The following SGCZ variants were observed in gnomAD, a reference collection of about 807,000 sequenced individuals.
SGCZ encodes the protein zeta-sarcoglycan.
In SGCZ, 40 loss-of-function variants were observed where a neutral mutation model predicts 41.3. The ratio of observed to expected loss-of-function variants is 0.97; its 90% CI spans 0.75 to 1.26. SGCZ has a LOEUF of 1.26. Among genes scored for constraint, SGCZ ranks in the 50% most tolerant of loss-of-function variants. The probability of loss-of-function intolerance (pLI) is 0.00; values close to 1 mark genes in which losing one functional copy is unlikely to be tolerated. For missense variants in SGCZ, 552 were observed against 369.8 expected (o/e 1.49, Z -4.04); for synonymous variants, 206 against 137.5 (o/e 1.50, Z -3.49).
intron 3 of SGCZ, among the ~76,000 whole-genome samples, chr8:14,259,948 G>T (rs191466291): frequency 1.3e-5 from 2 of 152,178 alleles, no homozygotes; most frequent in Non-Finnish European, 2.9e-5. Flanking sequence ...CATGAGCATG[G>T]AATGTTAATT....
At chr8:14,756,477 G>A (rs1053561595) in intron 1 of SGCZ, among the ~76,000 whole-genome samples, 6 of 152,060 alleles carry the variant, frequency 3.9e-5, no homozygotes, top group East Asian at 1.9e-4. Flanking sequence ...GAGCCACCAC[G>A]CCCAGCGGGA....
At chr8:14,114,476 C>G (rs770877306) in intron 5 of SGCZ, among the ~76,000 whole-genome samples, 12 of 151,864 alleles carry the variant, frequency 7.9e-5, no homozygotes, top group South Asian at 2.1e-4. Flanking sequence ...GAAAAATAAG[C>G]TGCCAGGATT....
chr8:15,031,588 G>T (rs1235352948), intron 1 of SGCZ, among the ~76,000 whole-genome samples: 3 of 152,138 alleles, frequency 2.0e-5, no homozygotes, highest in Non-Finnish European at 4.4e-5. Flanking sequence ...GAAAGTCAAG[G>T]AATATGTGCA....
chr8:14,480,454 C>T (rs1801504365), intron 2 of SGCZ, among the ~76,000 whole-genome samples: 2 of 152,126 alleles, frequency 1.3e-5, no homozygotes, highest in South Asian at 4.1e-4. Flanking sequence ...CTAAATTTCT[C>T]TATTATTTCA....
intron 1 of SGCZ, among the ~76,000 whole-genome samples, chr8:15,004,718 G>C (rs186170112): frequency 1.1e-4 from 16 of 152,188 alleles, no homozygotes; most frequent in African/African-American, 3.9e-4. Flanking sequence ...AAAAGACTGA[G>C]GATTCCCACC....
chr8:14,179,479 T>G (rs1484615762), intron 4 of SGCZ, among the ~76,000 whole-genome samples: 2 of 152,214 alleles, frequency 1.3e-5, no homozygotes, highest in African/African-American at 2.4e-5. Flanking sequence ...ACATCCCCAC[T>G]GTCTGTCACA....
chr8:14,642,488 A>G (rs1363892767), intron 1 of SGCZ, among the ~76,000 whole-genome samples: 2 of 151,408 alleles, frequency 1.3e-5, no homozygotes, highest in Non-Finnish European at 3.0e-5. Context: ...ACTATATGTA[A>G]GTTACAATAT....
intron 1 of SGCZ, among the ~76,000 whole-genome samples, chr8:15,065,983 CTT>C (rs1805125174): frequency 6.6e-6 from 1 of 152,136 alleles, no homozygotes; most frequent in Non-Finnish European, 1.5e-5. Flanking sequence ...CTGTTAGTGA[CTT>C]TATTCTAGTA....
chr8:14,726,783 A>C (rs1413327949), intron 1 of SGCZ, among the ~76,000 whole-genome samples: 1 of 152,166 alleles, frequency 6.6e-6, no homozygotes, highest in Non-Finnish European at 1.5e-5. Context: ...TCAGATATAA[A>C]CAATAAAAAG....
chr8:14,168,652 T>G (rs1437787209), intron 4 of SGCZ, among the ~76,000 whole-genome samples: 1 of 152,178 alleles, frequency 6.6e-6, no homozygotes, highest in Non-Finnish European at 1.5e-5. Context: ...CCGCTTTTTC[T>G]TTATAAATTA....
intron 3 of SGCZ, among the ~76,000 whole-genome samples, chr8:14,298,747 A>C (rs1004367981): frequency 6.6e-6 from 1 of 152,092 alleles, no homozygotes; most frequent in Non-Finnish European, 1.5e-5. Flanking sequence ...TATCATTACA[A>C]ATGTTAATGT....
intron 2 of SGCZ, among the ~76,000 whole-genome samples, chr8:14,405,371 A>T (rs1353421837): frequency 6.6e-6 from 1 of 151,484 alleles, no homozygotes; most frequent in Admixed American, 6.6e-5. Context: ...TCTCACACAC[A>T]TTCCATTAAG....
chr8:14,681,662 A>G (rs1041617308), intron 1 of SGCZ, among the ~76,000 whole-genome samples: 8 of 152,310 alleles, frequency 5.3e-5, no homozygotes, highest in Non-Finnish European at 1.2e-4. Context: ...AAAATTCAGC[A>G]GTGATCAGAT....
chr8:14,843,696 T>C (rs1328485223), intron 1 of SGCZ, among the ~76,000 whole-genome samples: 2 of 151,328 alleles, frequency 1.3e-5, no homozygotes, highest in African/African-American at 2.4e-5. Flanking sequence ...TCTAAAAAAA[T>C]TGCAAATTAA....
At chr8:14,539,861 T>C (rs1049992516) in intron 2 of SGCZ, among the ~76,000 whole-genome samples, 1 of 151,976 alleles carries the variant, frequency 6.6e-6, no homozygotes, top group Non-Finnish European at 1.5e-5. Context: ...CAGCCTGGAA[T>C]GCAGAGATGT....
intron 1 of SGCZ, among the ~76,000 whole-genome samples, chr8:14,711,229 TA>T (rs1169639560): frequency 6.6e-6 from 1 of 152,108 alleles, no homozygotes; most frequent in Non-Finnish European, 1.5e-5. Context: ...TTGTGAAAGT[TA>T]TTTTTTCTTA....
At position 14,906,948 on chromosome 8, in the gene SGCZ, G is replaced by T. The variant is rs553790845; in HGVS notation, c.39+330637C>A. Among the ~76,000 whole-genome samples, 18 of 152,258 alleles carry T rather than the reference G, an allele frequency of 1.2e-4. 1 individual carries two copies. The South Asian group carries it at 3.3e-3, about 28-fold the overall frequency. On this transcript the variant is annotated intron_variant, in intron 1 of 7. Coordinates refer to ENST00000382080, the MANE Select transcript of SGCZ (RefSeq NM_139167.4). ...CAAATACATATACTTTAAAAAAGGTGATATTTCTGCCACTGTCAGAGAATT... is the reference window on the plus strand; with the variant it reads ...CAAATACATATACTTTAAAAAAGGTTATATTTCTGCCACTGTCAGAGAATT...
chr8:14,245,093 C>G (rs1030875662), intron 3 of SGCZ, among the ~76,000 whole-genome samples: 1 of 152,116 alleles, frequency 6.6e-6, no homozygotes, highest in Non-Finnish European at 1.5e-5. Flanking sequence ...ATTTCCTTCT[C>G]CTGCCTAATT....
chr8:15,175,601 TG>T (rs1389891086), intron 1 of SGCZ, among the ~76,000 whole-genome samples: 1 of 152,048 alleles, frequency 6.6e-6, no homozygotes, highest in Non-Finnish European at 1.5e-5. Flanking sequence ...GCTTAATACC[TG>T]GATGTTGAAA....
Sources: gnomAD v4.1 joint callset for allele counts (sites outside exome capture counted in the v4.1 genomes callset) on GRCh38, gnomAD v4.1.1 for gene constraint, MANE v1.5 for transcripts, NCBI Gene and HGNC (gene_info 2026-07-23, HGNC 2026-07-21) for gene names.